Variants in SLC30A7 observed in about 807,000 individuals in gnomAD.
The protein encoded by SLC30A7 is solute carrier family 30 member 7.
A neutral mutation model predicts 46.0 loss-of-function variants in SLC30A7; 35 were observed. The observed-to-expected ratio is 0.76, with a 90% CI of 0.58 to 1.01. The LOEUF (loss-of-function observed/expected upper bound fraction) is 1.01, where lower values mean the gene tolerates loss of function less well. Ranked by LOEUF, SLC30A7 falls within the 50% of genes least tolerant of loss-of-function variation. The pLI is 0.00. For missense variants in SLC30A7, 464 were observed against 451.1 expected (o/e 1.03, Z -0.26); for synonymous variants, 147 against 157.8 (o/e 0.93, Z 0.51).
intron 3 of SLC30A7, 115 bp from the exon 4 acceptor site, chr1:100,910,948 G>A (rs534164382): frequency 1.8e-5 from 13 of 735,114 alleles, no homozygotes; most frequent in East Asian, 8.2e-5. Flanking sequence ...CTAGGGCTTC[G>A]CTGGCCACTT....
chr1:100,909,064 TG>T (rs1423843781), intron 3 of SLC30A7, among the ~76,000 whole-genome samples: 144 of 152,136 alleles, frequency 9.5e-4, no homozygotes, highest in African/African-American at 3.4e-3. Flanking sequence ...TGTGTGTGTG[TG>T]TGTGTGTTTT....
chr1:100,985,081 G>C (rs1657190058), downstream of SLC30A7, among the ~76,000 whole-genome samples: 1 of 152,152 alleles, frequency 6.6e-6, no homozygotes, highest in African/African-American at 2.4e-5. Flanking sequence ...ACAGAGAAAA[G>C]AGTCAATGAA....
chr1:100,950,572 C>A (rs1341696553), intron 8 of SLC30A7, among the ~76,000 whole-genome samples: 1 of 152,168 alleles, frequency 6.6e-6, no homozygotes, highest in Non-Finnish European at 1.5e-5. Context: ...ATCACTGCCT[C>A]TTGCCAAGGT....
At chr1:100,950,500 G>C (rs1401691703) in intron 8 of SLC30A7, among the ~76,000 whole-genome samples, 3 of 152,120 alleles carry the variant, frequency 2.0e-5, no homozygotes, top group Admixed American at 6.5e-5. Flanking sequence ...TTTGTTTTTG[G>C]TCATGTCATT....
intron 9 of SLC30A7, among the ~76,000 whole-genome samples, chr1:100,962,852 G>T (rs776181297): frequency 9.2e-5 from 14 of 152,212 alleles, no homozygotes; most frequent in Non-Finnish European, 2.1e-4. Flanking sequence ...TTAGATTACA[G>T]TTGTAACGGT....
At chr1:100,954,151 G>C (rs1655105308) in intron 8 of SLC30A7, among the ~76,000 whole-genome samples, 1 of 152,086 alleles carries the variant, frequency 6.6e-6, no homozygotes, top group Admixed American at 6.5e-5. Context: ...CATTGTGCTG[G>C]GGGAATAAAA....
rs533663426 is a variant in SLC30A7, at chr1:100,942,554, C to T, written c.843-19274C>T. ...CAAGCAAGTGTTAACCTGAAATAAT[C>T]GAAAGAATCAGAGTCTAGCTTTATT... is the stretch of plus-strand genomic sequence containing the variant. On this transcript the variant is annotated intron_variant, in intron 8 of 10. Transcript: ENST00000357650. Among the ~76,000 whole-genome samples the T allele has an allele frequency of 7.9e-5, 12 of 152,190 alleles. No homozygotes were observed. In the South Asian group the frequency reaches 1.5e-3, roughly 18 times the overall value.
Position 100,975,886 on chromosome 1 carries a change from C to CA in SLC30A7, c.*1033dup, listed in dbSNP as rs1656464432. ...TGGATATTCTGTAAAATATCCTGTACAAAACAAGACTATTGCCAGTAATGT... is the reference window on the plus strand; with the variant it reads ...TGGATATTCTGTAAAATATCCTGTACAAAAACAAGACTATTGCCAGTAATGT... On this transcript the variant is annotated 3_prime_UTR_variant, in exon 11 of 11. Transcript: ENST00000357650. 1 of 129,518 alleles carries CA rather than the reference C, an allele frequency of 7.7e-6. No homozygotes were observed. Among genetic ancestry groups the CA allele is most frequent in the Non-Finnish European group, 1.6e-5 (1 of 62,910 alleles). 8.0% of individuals were successfully genotyped at this position (129,518 alleles called of 1,614,324 possible).
chr1:100,950,932 G>A (rs767803979), intron 8 of SLC30A7, among the ~76,000 whole-genome samples: 5 of 152,138 alleles, frequency 3.3e-5, no homozygotes, highest in South Asian at 2.1e-4. Context: ...AGCCAGCATC[G>A]GGTTCAGTGT....
At chr1:100,930,229 A>G (rs893538221) in intron 8 of SLC30A7, among the ~76,000 whole-genome samples, 1 of 152,038 alleles carries the variant, frequency 6.6e-6, no homozygotes, top group African/African-American at 2.4e-5. Flanking sequence ...ACATATATAT[A>G]TACATACCAC....
chr1:100,941,650 A>T, intron 8 of SLC30A7: 1 of 610,454 alleles, frequency 1.6e-6, no homozygotes, highest in Admixed American at 1.9e-5. Flanking sequence ...TCTTTTTCAC[A>T]GTTAAGTGGG....
chr1:100,964,918 A>G (rs942975856), intron 9 of SLC30A7, among the ~76,000 whole-genome samples: 2 of 152,230 alleles, frequency 1.3e-5, no homozygotes, highest in African/African-American at 4.8e-5. Flanking sequence ...GGCACGGTAG[A>G]TACTATCTCA....
chr1:100,917,751 C>T (rs1001506919), intron 6 of SLC30A7, among the ~76,000 whole-genome samples: 1 of 152,106 alleles, frequency 6.6e-6, no homozygotes, highest in African/African-American at 2.4e-5. Context: ...ATTTGGGTTT[C>T]TCTGAATTTT....
At position 100,977,493 on chromosome 1, in the gene SLC30A7, T is replaced by C. The variant is rs955552073; in HGVS notation, c.*2636T>C. 8.5e-5 allele frequency: 13 copies of C among 152,330 alleles called. No homozygotes were observed. Among genetic ancestry groups the C allele is most frequent in the African/African-American group, 3.1e-4 (13 of 41,566 alleles). 9.4% of individuals were successfully genotyped at this position (152,330 alleles called of 1,614,324 possible). A position where few individuals can be genotyped will look rare whatever the true frequency, so the allele number is the denominator to read the frequency against. On this transcript the variant is annotated 3_prime_UTR_variant, in exon 11 of 11. Transcript: ENST00000357650. Reference sequence around the variant, plus strand: ...GTCTTATTAGTGTTCTTGGCACATGTATATTACTAAAGTAGATAATTCCAA... The same window carrying C: ...GTCTTATTAGTGTTCTTGGCACATGCATATTACTAAAGTAGATAATTCCAA...
the SLC30A7 span, among the ~76,000 whole-genome samples, chr1:100,992,360 A>G: frequency 6.6e-6 from 1 of 152,160 alleles, no homozygotes; most frequent in Non-Finnish European, 1.5e-5. Context: ...ATACAGTAAT[A>G]TATTTATATC....
At chr1:100,938,452 A>G (rs943139448) in intron 8 of SLC30A7, among the ~76,000 whole-genome samples, 5 of 152,172 alleles carry the variant, frequency 3.3e-5, no homozygotes, top group African/African-American at 1.2e-4. Flanking sequence ...GTTTCTTTTT[A>G]CTAGACTGAA....
At chr1:100,907,949 G>GT (rs1487528665) in intron 3 of SLC30A7, among the ~76,000 whole-genome samples, 1 of 150,810 alleles carries the variant, frequency 6.6e-6, no homozygotes, top group Non-Finnish European at 1.5e-5. Flanking sequence ...CTTATTCTTT[G>GT]TTTTCTCCTG....
chr1:100,911,202 GTTTA>G (rs767079367), intron 4 of SLC30A7, 52 bp downstream of exon 4: 3 of 1,247,718 alleles, frequency 2.4e-6, no homozygotes, highest in Admixed American at 2.1e-5. Context: ...TAATGAAAAT[GTTTA>G]TTAATTAAAG....
intron 8 of SLC30A7, among the ~76,000 whole-genome samples, chr1:100,955,382 T>C (rs1176837447): frequency 6.6e-6 from 1 of 152,098 alleles, no homozygotes; most frequent in Non-Finnish European, 1.5e-5. Flanking sequence ...ATTATGTTTA[T>C]GATTGTAAGA....
Sources: gnomAD v4.1 joint callset for allele counts (sites outside exome capture counted in the v4.1 genomes callset) on GRCh38, gnomAD v4.1.1 for gene constraint, MANE v1.5 for transcripts, NCBI Gene and HGNC (gene_info 2026-07-23, HGNC 2026-07-21) for gene names.